SEMA3E: variants seen among roughly 807,000 people sequenced by gnomAD.
SEMA3E encodes semaphorin 3E.
Under a neutral mutation model 93.6 loss-of-function variants are expected in SEMA3E, and 49 were observed. The ratio of observed to expected loss-of-function variants is 0.52; its 90% confidence interval spans 0.42 to 0.66. The LOEUF (loss-of-function observed/expected upper bound fraction) is 0.66. Among genes scored for constraint, SEMA3E ranks in the 30% least tolerant of loss-of-function variants. The probability of loss-of-function intolerance (pLI) is 0.00; values close to 1 mark genes in which losing one functional copy is unlikely to be tolerated. For synonymous variants in SEMA3E, 363 were observed against 330.7 expected, an observed-to-expected ratio of 1.10 and a Z score of -1.06; for missense variants, 906 against 964.8, an observed-to-expected ratio of 0.94 and a Z score of 0.81.
chr7:83,392,151 C>T (rs1297653145), intron 14 of SEMA3E, among the ~76,000 whole-genome samples: 2 of 152,092 alleles, frequency 1.3e-5, no homozygotes, highest in Non-Finnish European at 2.9e-5. Flanking sequence ...ATTAATTATA[C>T]AGGTCATGCA....
chr7:83,476,508 G>T (rs543730349), intron 2 of SEMA3E, among the ~76,000 whole-genome samples: 1 of 152,134 alleles, frequency 6.6e-6, no homozygotes, highest in South Asian at 2.1e-4. Flanking sequence ...CAGAAATATA[G>T]GTTTACCAAA....
chr7:83,395,622 C>A (rs757399479), intron 12 of SEMA3E, among the ~76,000 whole-genome samples: 2 of 152,094 alleles, frequency 1.3e-5, no homozygotes, highest in African/African-American at 2.4e-5. Context: ...AAATAAATAT[C>A]TTTTTCATGG....
rs376538800 is a variant in SEMA3E at position 83,408,498 on chromosome 7, G to T, written c.551-11C>A. 1 of 1,613,198 alleles carries T rather than the reference G, an allele frequency of 6.2e-7. No individual in the cohort carries two copies. The highest frequency in any genetic ancestry group is 1.3e-5 in the African/African-American group (1 of 74,898). ...CAAACAATTCACTACCTACACGGGA[G>T]CATCAGTAAAAAAGAAGTCAGTATT... On this transcript the variant is annotated splice_polypyrimidine_tract_variant and intron_variant, in intron 5 of 16. Transcript: ENST00000643230.
intron 1 of SEMA3E, among the ~76,000 whole-genome samples, chr7:83,531,619 C>T (rs1178467703): frequency 2.0e-5 from 3 of 152,018 alleles, no homozygotes; most frequent in Admixed American, 1.3e-4. Flanking sequence ...TCCCAAAGTG[C>T]TGGGATTACA....
At chr7:83,640,724 T>C (rs1465310038) in intron 1 of SEMA3E, among the ~76,000 whole-genome samples, 1 of 152,172 alleles carries the variant, frequency 6.6e-6, no homozygotes, top group East Asian at 1.9e-4. Flanking sequence ...TCACTAAAAG[T>C]ATGTTTTCTT....
intron 4 of SEMA3E, among the ~76,000 whole-genome samples, chr7:83,451,221 T>C (rs902326132): frequency 7.9e-5 from 12 of 152,188 alleles, no homozygotes; most frequent in Non-Finnish European, 1.5e-4. Flanking sequence ...ATTAATCCTC[T>C]TTCCTTTATA....
intron 13 of SEMA3E, 22 bp from the exon 14 acceptor site, chr7:83,392,743 C>T: frequency 1.2e-6 from 2 of 1,612,678 alleles, no homozygotes; most frequent in East Asian, 2.2e-5. Flanking sequence ...AGAAAGAGGT[C>T]ACTAGCAGAA....
rs1476588012 is a variant in SEMA3E, at chr7:83,365,477, T to C, written c.*2109A>G. On this transcript the variant is annotated 3_prime_UTR_variant, in exon 17 of 17. Transcript: ENST00000643230. ...TATTTTCCTATAATAAATTTTAGCA[T>C]TTTATGTAAAATGTTTCTTTTCTGG... The C allele has an allele frequency of 6.6e-6, 1 of 152,164 alleles. No homozygotes were observed. The highest frequency in any genetic ancestry group is 1.5e-5 in the Non-Finnish European group (1 of 68,030). The allele number at this position is 152,164 out of a possible 1,614,324, so 9.4% of individuals were successfully genotyped here.
chr7:83,586,842 G>A lies in SEMA3E; in HGVS notation c.115+61586C>T, dbSNP rs149607062. ...CAGACTCCAGGTTTCCTTGAACTCC[G>A]AAATTGCTATATTCAAGTTAAAGGG... is the stretch of plus-strand genomic sequence containing the variant. On this transcript the variant is annotated intron_variant, in intron 1 of 16. Transcript: ENST00000643230. Among the ~76,000 whole-genome samples the A allele has an allele frequency of 9.9e-3, 1,499 of 152,030 alleles. 27 individuals carry two copies. Among genetic ancestry groups the A allele is most frequent in the African/African-American group, 0.034 (1,414 of 41,474 alleles).
At chr7:83,371,025 G>T (rs772977571) in intron 16 of SEMA3E, among the ~76,000 whole-genome samples, 25 of 150,604 alleles carry the variant, frequency 1.7e-4, no homozygotes, top group Non-Finnish European at 3.0e-4. Flanking sequence ...AACTAGCGTT[G>T]GTGGAAGAGG....
intron 1 of SEMA3E, among the ~76,000 whole-genome samples, chr7:83,567,918 CAAAAT>C (rs1792196986): frequency 6.6e-6 from 1 of 150,640 alleles, no homozygotes. Context: ...CAGAACTAAA[CAAAAT>C]AGAGAGTAAA....
chr7:83,637,557 G>A (rs1240788280), intron 1 of SEMA3E, among the ~76,000 whole-genome samples: 1 of 152,088 alleles, frequency 6.6e-6, no homozygotes, highest in Non-Finnish European at 1.5e-5. Flanking sequence ...AATTATGAAG[G>A]CAGTTTCCCC....
At position 83,374,573 on chromosome 7, in the gene SEMA3E, G is replaced by A. The variant is rs553961395; in HGVS notation, c.1876-6535C>T. ...AATGAATTAAGAGCAATGTATGCAT[G>A]CTATGGTATGTTAAGTAACAGTCAA... On this transcript the variant is annotated intron_variant, in intron 16 of 16. Coordinates refer to ENST00000643230, the MANE Select transcript of SEMA3E (RefSeq NM_012431.3). Among the ~76,000 whole-genome samples, 50 of 152,296 alleles carry A rather than the reference G, an allele frequency of 3.3e-4. No homozygotes were observed. In the South Asian group the frequency reaches 0.01, roughly 31 times the overall value.
intron 1 of SEMA3E, among the ~76,000 whole-genome samples, chr7:83,592,323 G>A (rs938921695): frequency 7.2e-5 from 11 of 152,056 alleles, no homozygotes; most frequent in Non-Finnish European, 1.6e-4. Context: ...ATGCTAATAG[G>A]TATGTTGGTG....
chr7:83,548,124 A>C (rs1249074420), intron 1 of SEMA3E, among the ~76,000 whole-genome samples: 1 of 151,920 alleles, frequency 6.6e-6, no homozygotes, highest in Non-Finnish European at 1.5e-5. Context: ...TTTTAAACAC[A>C]CTGTATCTAT....
At chr7:83,490,002 T>TA (rs1282514928) in intron 2 of SEMA3E, 112 bp downstream of exon 2, 2 of 926,268 alleles carry the variant, frequency 2.2e-6, no homozygotes, top group Non-Finnish European at 3.3e-6. Context: ...ATTTAAAAAG[T>TA]AATCACTCAA....
intron 14 of SEMA3E, 90 bp from the exon 15 acceptor site, chr7:83,387,140 T>G: frequency 9.9e-7 from 1 of 1,008,688 alleles, no homozygotes; most frequent in Non-Finnish European, 1.5e-6. Context: ...ACAAGTAGTA[T>G]TCTGCTACTG....
intron 16 of SEMA3E, among the ~76,000 whole-genome samples, chr7:83,368,991 T>C (rs1259640572): frequency 3.3e-5 from 5 of 152,160 alleles, no homozygotes; most frequent in Non-Finnish European, 2.9e-5. Context: ...TGAAAAATTG[T>C]TGTGAAGATT....
chr7:83,556,878 C>T (rs543329861), intron 1 of SEMA3E, among the ~76,000 whole-genome samples: 1 of 152,224 alleles, frequency 6.6e-6, no homozygotes, highest in East Asian at 1.9e-4. Flanking sequence ...CTTTCTGGCC[C>T]TTTTACCTTT....
Sources: allele counts gnomAD v4.1 joint callset (sites outside exome capture counted in the v4.1 genomes callset), GRCh38; gene constraint gnomAD v4.1.1; transcripts MANE v1.5; gene names NCBI Gene and HGNC (gene_info 2026-07-23, HGNC 2026-07-21).